SLC44A3: variants seen among roughly 807,000 people sequenced by gnomAD.
SLC44A3 encodes choline transporter-like protein 3.
Under a neutral mutation model 75.4 loss-of-function variants are expected in SLC44A3, and 74 were observed. That is an observed-to-expected ratio of 0.98 (90% confidence interval 0.81 to 1.19). The LOEUF is 1.19. SLC44A3 is among the 50% of genes most tolerant of loss of function. The pLI is 0.00. For synonymous variants in SLC44A3, 310 were observed against 296.9 expected (o/e 1.04, Z -0.45); for missense variants, 700 against 778.6 (o/e 0.90, Z 1.20).
intron 14 of SLC44A3, 75 bp downstream of exon 14, chr1:94,892,592 A>T: frequency 7.2e-7 from 1 of 1,391,992 alleles, no homozygotes; most frequent in Non-Finnish European, 1.0e-6. Context: ...TGCACACACG[A>T]AAGAGGCTCA....
intron 9 of SLC44A3, among the ~76,000 whole-genome samples, chr1:94,856,479 C>CTGAAATAGATCCT (rs1553203197): frequency 6.6e-6 from 1 of 152,130 alleles, no homozygotes; most frequent in Non-Finnish European, 1.5e-5. Context: ...GAAATGAAAT[C>CTGAAATAGATCCT]TGAAATAGAT....
chr1:94,877,740 C>T (rs1236445136), intron 12 of SLC44A3, among the ~76,000 whole-genome samples: 3 of 152,174 alleles, frequency 2.0e-5, no homozygotes, highest in African/African-American at 7.2e-5. Context: ...AAGTGGTTTC[C>T]TCTTCTCTGT....
At chr1:94,867,212 C>T in intron 11 of SLC44A3, 119 bp from the exon 12 acceptor site, 2 of 721,904 alleles carry the variant, frequency 2.8e-6, no homozygotes, top group Non-Finnish European at 2.2e-6. Context: ...GAACTTCTCC[C>T]ACGCCACCAG....
At chr1:94,883,001 T>C (rs754712918) in intron 12 of SLC44A3, among the ~76,000 whole-genome samples, 23 of 151,262 alleles carry the variant, frequency 1.5e-4, no homozygotes, top group Non-Finnish European at 2.5e-4. Context: ...GAAGACATTA[T>C]TGGTTTGCCA....
chr1:94,837,189 G>A (rs1662944856), intron 5 of SLC44A3, among the ~76,000 whole-genome samples: 1 of 152,152 alleles, frequency 6.6e-6, no homozygotes, highest in Non-Finnish European at 1.5e-5. Context: ...GGGGAAATGA[G>A]AGATGCTGGT....
chr1:94,891,096 G>T, intron 12 of SLC44A3, 34 bp from the exon 13 acceptor site: 1 of 1,562,884 alleles, frequency 6.4e-7, no homozygotes, highest in South Asian at 1.2e-5. Context: ...ATTGTTATAA[G>T]AATTATCTTT....
intron 12 of SLC44A3, among the ~76,000 whole-genome samples, chr1:94,879,515 G>C (rs1445626434): frequency 7.4e-6 from 1 of 134,654 alleles, no homozygotes; most frequent in Non-Finnish European, 1.5e-5. Flanking sequence ...CTGGGCGACA[G>C]AGCGAGACTC....
chr1:94,828,600 T>C lies in SLC44A3; in HGVS notation c.509+14T>C, dbSNP rs764500400. 5.0e-6 allele frequency: 8 copies of C among 1,611,264 alleles called. No individual in the cohort carries two copies. In the East Asian group the frequency reaches 1.3e-4, roughly 27 times the overall value. On this transcript the variant is annotated intron_variant, in intron 5 of 14. Coordinates refer to ENST00000271227, the MANE Select transcript of SLC44A3 (RefSeq NM_001114106.3). Reference sequence around the variant, plus strand: ...AGTTCCTCCAAGGTAAAAGCTTCCATACTTTTTCCTTAACTCTAAACAAAA... The same window carrying C: ...AGTTCCTCCAAGGTAAAAGCTTCCACACTTTTTCCTTAACTCTAAACAAAA...
At chr1:94,839,654 G>A (rs962492590) in intron 6 of SLC44A3, among the ~76,000 whole-genome samples, 1 of 152,188 alleles carries the variant, frequency 6.6e-6, no homozygotes, top group Admixed American at 6.5e-5. Context: ...CTCCCAAAGT[G>A]CTGGGATTAT....
chr1:94,836,327 T>C (rs1662773082), intron 5 of SLC44A3, among the ~76,000 whole-genome samples: 1 of 152,222 alleles, frequency 6.6e-6, no homozygotes, highest in Non-Finnish European at 1.5e-5. Flanking sequence ...ATTGCTAGGC[T>C]TTTTTACATT....
chr1:94,876,639 C>T (rs1668320035), intron 12 of SLC44A3, among the ~76,000 whole-genome samples: 2 of 152,198 alleles, frequency 1.3e-5, no homozygotes, highest in East Asian at 1.9e-4. Flanking sequence ...AAGTCATGTC[C>T]TGCTACAAGC....
chr1:94,865,516 A>G (rs1667066836), intron 11 of SLC44A3, among the ~76,000 whole-genome samples: 1 of 152,206 alleles, frequency 6.6e-6, no homozygotes, highest in Non-Finnish European at 1.5e-5. Flanking sequence ...AGAGAACTGT[A>G]GGGCTTTTGT....
At chr1:94,848,116 C>G (rs1408707770) in intron 9 of SLC44A3, among the ~76,000 whole-genome samples, 1 of 151,968 alleles carries the variant, frequency 6.6e-6, no homozygotes, top group Non-Finnish European at 1.5e-5. Context: ...ATAGTCCCAG[C>G]TACTCGGGAG....
At chr1:94,854,549 C>T (rs1441661669) in intron 9 of SLC44A3, among the ~76,000 whole-genome samples, 3 of 152,206 alleles carry the variant, frequency 2.0e-5, no homozygotes, top group Non-Finnish European at 2.9e-5. Context: ...GGGGATCTTG[C>T]CTGCATTCAC....
chr1:94,842,482 G>T (rs374014787), intron 8 of SLC44A3, among the ~76,000 whole-genome samples: 15 of 152,362 alleles, frequency 9.8e-5, no homozygotes, highest in Admixed American at 8.5e-4. Flanking sequence ...GCCAGTGTAT[G>T]CTCAGCTTCC....
chr1:94,880,488 T>C (rs1467775432), intron 12 of SLC44A3, among the ~76,000 whole-genome samples: 3 of 152,220 alleles, frequency 2.0e-5, no homozygotes, highest in Admixed American at 2.0e-4. Flanking sequence ...CAATCATCCA[T>C]ATAGTATGAT....
At chr1:94,849,475 G>A (rs1268887078) in intron 9 of SLC44A3, among the ~76,000 whole-genome samples, 1 of 152,128 alleles carries the variant, frequency 6.6e-6, no homozygotes, top group African/African-American at 2.4e-5. Flanking sequence ...TTTCACCAGT[G>A]CCAGAGAGCC....
chr1:94,874,892 C>T (rs1668117310), intron 12 of SLC44A3, among the ~76,000 whole-genome samples: 1 of 152,180 alleles, frequency 6.6e-6, no homozygotes, highest in South Asian at 2.1e-4. Flanking sequence ...TCTTCCTTGT[C>T]CAAGTTCTGA....
intron 7 of SLC44A3, 47 bp downstream of exon 7, chr1:94,840,084 G>A: frequency 6.6e-7 from 1 of 1,508,744 alleles, no homozygotes; most frequent in Non-Finnish European, 9.2e-7. Flanking sequence ...TAAATGAAAA[G>A]CCTTTACATT....
Sources: gnomAD v4.1 joint callset for allele counts (sites outside exome capture counted in the v4.1 genomes callset) on GRCh38, gnomAD v4.1.1 for gene constraint, MANE v1.5 for transcripts, NCBI Gene and HGNC (gene_info 2026-07-23, HGNC 2026-07-21) for gene names.